The following KHDRBS2 variants were observed in gnomAD, a reference collection of about 807,000 sequenced individuals.
KHDRBS2 encodes KH domain-containing, RNA-binding, signal transduction-associated protein 2.
A neutral mutation model predicts 44.3 loss-of-function variants in KHDRBS2; 26 were observed. That is an observed-to-expected ratio of 0.59 (90% CI 0.43 to 0.81). The LOEUF (loss-of-function observed/expected upper bound fraction) is 0.81, where lower values mean the gene tolerates loss of function less well. KHDRBS2 is among the 40% of genes least tolerant of loss of function. The pLI is 0.00. For synonymous variants in KHDRBS2, 194 were observed against 151.1 expected, an observed-to-expected ratio of 1.28 and a Z score of -2.08; for missense variants, 476 against 433.1, an observed-to-expected ratio of 1.10 and a Z score of -0.88.
chr6:61,712,920 A>C (rs1244351594), intron 7 of KHDRBS2, among the ~76,000 whole-genome samples: 1 of 151,754 alleles, frequency 6.6e-6, no homozygotes, highest in Non-Finnish European at 1.5e-5. Flanking sequence ...TCAAATTCCA[A>C]ATCCAAAAGC....
intron 6 of KHDRBS2, among the ~76,000 whole-genome samples, chr6:61,792,661 C>T (rs1158460423): frequency 6.6e-6 from 1 of 151,708 alleles, no homozygotes; most frequent in African/African-American, 2.4e-5. Context: ...ACAATGACAA[C>T]TGCGAATTAG....
intron 1 of KHDRBS2, among the ~76,000 whole-genome samples, chr6:62,250,121 G>A (rs176600): frequency 0.26 from 39,259 of 151,954 alleles, 7,156 homozygotes; most frequent in African/African-American, 0.52. Context: ...TCAAAAGTCA[G>A]TCCTAAGGAA....
At chr6:62,040,582 A>G (rs1786262004) in intron 3 of KHDRBS2, among the ~76,000 whole-genome samples, 1 of 152,022 alleles carries the variant, frequency 6.6e-6, no homozygotes, top group Non-Finnish European at 1.5e-5. Flanking sequence ...AATTTGGTGA[A>G]TTCTTTGCTC....
Position 61,721,230 on chromosome 6 carries a change from C to T in KHDRBS2, c.893+11452G>A, listed in dbSNP as rs530373910. Among the ~76,000 whole-genome samples, 235 of 152,128 alleles carry T rather than the reference C, an allele frequency of 1.5e-3. 3 individuals are homozygous for T. The highest frequency in any genetic ancestry group is 0.014 in the Admixed American group (212 of 15,254). On this transcript the variant is annotated intron_variant, in intron 7 of 8. Transcript: ENST00000281156. ...GGTAGTGTGATGCCTCCAGCTTTGT[C>T]CTTTTGGCTCCGGATTGACTGGGCG...
At chr6:61,554,196 T>C in the KHDRBS2 span, among the ~76,000 whole-genome samples, 1 of 152,322 alleles carries the variant, frequency 6.6e-6, no homozygotes, top group South Asian at 2.1e-4. Context: ...GTTCAGTACA[T>C]ATAATTTAGG....
intron 6 of KHDRBS2, among the ~76,000 whole-genome samples, chr6:61,883,823 T>G (rs1004215683): frequency 3.9e-4 from 59 of 152,174 alleles, no homozygotes; most frequent in Admixed American, 3.2e-3. Context: ...CAATGCATCC[T>G]GGTAAATTAG....
chr6:61,908,437 A>T (rs1289289488), intron 4 of KHDRBS2, among the ~76,000 whole-genome samples: 1 of 151,906 alleles, frequency 6.6e-6, no homozygotes, highest in Non-Finnish European at 1.5e-5. Flanking sequence ...GATCGAGACC[A>T]TCCTGGCTAA....
chr6:61,738,364 T>A lies in KHDRBS2; in HGVS notation c.811-5600A>T, dbSNP rs566686287. Among the ~76,000 whole-genome samples, 5 of 152,134 alleles carry A rather than the reference T, an allele frequency of 3.3e-5. No individual in the cohort carries two copies. In the South Asian group the frequency reaches 1.0e-3, roughly 32 times the overall value. On this transcript the variant is annotated intron_variant, in intron 6 of 8. Transcript: ENST00000281156. ...TGATTCATTCCTCCCTGGAACATGGTCATGAAAAATATCTCTTCTAAGATT... is the reference window on the plus strand; with the variant it reads ...TGATTCATTCCTCCCTGGAACATGGACATGAAAAATATCTCTTCTAAGATT...
the KHDRBS2 span, among the ~76,000 whole-genome samples, chr6:61,599,485 A>G: frequency 6.6e-6 from 1 of 152,158 alleles, no homozygotes; most frequent in Non-Finnish European, 1.5e-5. Context: ...TTTTCTCAAA[A>G]ATTCACTCCA....
the KHDRBS2 span, among the ~76,000 whole-genome samples, chr6:61,551,387 A>G: frequency 6.6e-6 from 1 of 151,970 alleles, no homozygotes; most frequent in African/African-American, 2.4e-5. Context: ...CCATTTGCCA[A>G]TTTTTGCTTT....
At chr6:61,833,668 C>A (rs1235314124) in intron 6 of KHDRBS2, among the ~76,000 whole-genome samples, 4 of 152,070 alleles carry the variant, frequency 2.6e-5, no homozygotes, top group African/African-American at 9.7e-5. Flanking sequence ...GCTTTAATGA[C>A]TTGAAAAGCT....
intron 2 of KHDRBS2, among the ~76,000 whole-genome samples, chr6:62,126,406 A>T (rs1443919127): frequency 6.6e-6 from 1 of 152,192 alleles, no homozygotes; most frequent in African/African-American, 2.4e-5. Context: ...GGACCTGCCT[A>T]GGGCTAGGGA....
At chr6:62,253,719 GCCTGTGT>G (rs1351193750) in intron 1 of KHDRBS2, among the ~76,000 whole-genome samples, 1 of 151,908 alleles carries the variant, frequency 6.6e-6, no homozygotes, top group Non-Finnish European at 1.5e-5. Flanking sequence ...TACAATAACA[GCCTGTGT>G]CCCTGGAGTC....
intron 2 of KHDRBS2, among the ~76,000 whole-genome samples, chr6:62,063,373 AT>A (rs1230541325): frequency 6.6e-6 from 1 of 151,602 alleles, no homozygotes; most frequent in Non-Finnish European, 1.5e-5. Flanking sequence ...TGATGCAAAA[AT>A]CCTCAATAAA....
At chr6:61,714,639 A>G (rs1378558481) in intron 7 of KHDRBS2, among the ~76,000 whole-genome samples, 1 of 151,946 alleles carries the variant, frequency 6.6e-6, no homozygotes, top group Non-Finnish European at 1.5e-5. Context: ...AAAGATATGT[A>G]ATCAACCTAA....
intron 6 of KHDRBS2, among the ~76,000 whole-genome samples, chr6:61,873,850 A>C (rs1799015049): frequency 6.6e-6 from 1 of 152,060 alleles, no homozygotes; most frequent in Non-Finnish European, 1.5e-5. Flanking sequence ...CATATATGCA[A>C]TAAGAGAAAA....
intron 8 of KHDRBS2, among the ~76,000 whole-genome samples, chr6:61,687,503 C>A (rs1420773867): frequency 6.6e-6 from 1 of 151,806 alleles, no homozygotes; most frequent in Non-Finnish European, 1.5e-5. Context: ...CCATAGGCTT[C>A]CCTCAGATGG....
intron 2 of KHDRBS2, among the ~76,000 whole-genome samples, chr6:62,053,339 C>A (rs558971150): frequency 6.6e-6 from 1 of 150,690 alleles, no homozygotes; most frequent in Non-Finnish European, 1.5e-5. Context: ...ATGCATAGAC[C>A]AAAGCCACTC....
In KHDRBS2 at chr6:62,266,509, C is replaced by T. The variant is rs149072238; in HGVS notation, c.91+19349G>A. ...CCCAGTGTGATTAAGCACCAGTTAC[C>T]AATAGCAGTAACTTGCTTGAAAATA... On this transcript the variant is annotated intron_variant, in intron 1 of 8. Coordinates refer to ENST00000281156, the MANE Select transcript of KHDRBS2 (RefSeq NM_152688.4). Among the ~76,000 whole-genome samples the T allele has an allele frequency of 2.6e-5, 4 of 152,164 alleles. No homozygotes were observed. In the East Asian group the frequency reaches 7.8e-4, roughly 30 times the overall value.
Sources: allele counts gnomAD v4.1 joint callset (sites outside exome capture counted in the v4.1 genomes callset), GRCh38; gene constraint gnomAD v4.1.1; transcripts MANE v1.5; gene names NCBI Gene and HGNC (gene_info 2026-07-23, HGNC 2026-07-21).